Variants in PTPRG observed in about 807,000 individuals in gnomAD.
The protein encoded by PTPRG is protein tyrosine phosphatase receptor type G.
In PTPRG, 102 loss-of-function variants were observed where a neutral mutation model predicts 165.3. The observed-to-expected ratio is 0.62, with a 90% CI of 0.53 to 0.73. The LOEUF is 0.73. Among genes scored for constraint, PTPRG ranks in the 30% least tolerant of loss-of-function variants. The pLI is 0.00. For missense variants in PTPRG, 1,866 were observed against 1,861.4 expected, an observed-to-expected ratio of 1.00 and a Z score of -0.05; for synonymous variants, 675 against 669.5, an observed-to-expected ratio of 1.01 and a Z score of -0.13.
chr3:62,234,790 C>G (rs1310326897), intron 14 of PTPRG, among the ~76,000 whole-genome samples: 1 of 151,682 alleles, frequency 6.6e-6, no homozygotes, highest in African/African-American at 2.4e-5. Flanking sequence ...ATATTTTCTG[C>G]TTTGTTTTCT....
At chr3:61,773,149 T>C (rs572453375) in intron 2 of PTPRG, among the ~76,000 whole-genome samples, 7 of 152,110 alleles carry the variant, frequency 4.6e-5, no homozygotes, top group Middle Eastern at 3.4e-3. Context: ...TGGTGGTAGG[T>C]TTGCAGAGGG....
chr3:62,256,501 T>A (rs1212816552), intron 16 of PTPRG, among the ~76,000 whole-genome samples: 1 of 152,180 alleles, frequency 6.6e-6, no homozygotes, highest in African/African-American at 2.4e-5. Context: ...AAGTATTTAA[T>A]GCTATTAGAT....
At chr3:61,910,095 A>G (rs2038762080) in intron 2 of PTPRG, among the ~76,000 whole-genome samples, 1 of 151,992 alleles carries the variant, frequency 6.6e-6, no homozygotes, top group South Asian at 2.1e-4. Context: ...GATATATCTC[A>G]TTATGCTGTT....
intron 1 of PTPRG, among the ~76,000 whole-genome samples, chr3:61,692,296 A>G (rs1281729003): frequency 6.6e-6 from 1 of 152,228 alleles, no homozygotes; most frequent in African/African-American, 2.4e-5. Flanking sequence ...ACATCCTTGC[A>G]TTCAACTTTG....
rs148943245 is a variant in PTPRG, at chr3:61,890,464, T to G, written c.191-99161T>G. Reference sequence around the variant, plus strand: ...AGGGTCAGGTTTTTTCAATTTTCCTTTCAGGTCCTAACTCAGTAACTCCAT... The same window carrying G: ...AGGGTCAGGTTTTTTCAATTTTCCTGTCAGGTCCTAACTCAGTAACTCCAT... On this transcript the variant is annotated intron_variant, in intron 2 of 29. Coordinates refer to ENST00000474889, the MANE Select transcript of PTPRG (RefSeq NM_002841.4). 6.5e-3 allele frequency among the ~76,000 whole-genome samples: 990 copies of G among 151,168 alleles called. 10 individuals are homozygous for G. The highest frequency in any genetic ancestry group is 0.022 in the African/African-American group (903 of 40,914).
rs555485017 is a variant in PTPRG, at chr3:61,893,227, G to T, written c.191-96398G>T. ...TAGCATATTTTGGGAAAGTCAGTGTGTCTGCAAGCTGCTGAAAGATGTTCT... is the reference window on the plus strand; with the variant it reads ...TAGCATATTTTGGGAAAGTCAGTGTTTCTGCAAGCTGCTGAAAGATGTTCT... On this transcript the variant is annotated intron_variant, in intron 2 of 29. Coordinates refer to ENST00000474889, the MANE Select transcript of PTPRG (RefSeq NM_002841.4). Among the ~76,000 whole-genome samples, 26 of 152,306 alleles carry T rather than the reference G, an allele frequency of 1.7e-4. No homozygotes were observed. In the South Asian group the frequency reaches 5.2e-3, roughly 30 times the overall value.
intron 1 of PTPRG, among the ~76,000 whole-genome samples, chr3:61,653,673 A>G (rs933456944): frequency 1.3e-5 from 2 of 151,904 alleles, no homozygotes; most frequent in Non-Finnish European, 2.9e-5. Flanking sequence ...GTGCCCTGCC[A>G]TTTTCTCAGA....
At chr3:61,587,611 CT>C (rs2106813518) in intron 1 of PTPRG, among the ~76,000 whole-genome samples, 1 of 152,160 alleles carries the variant, frequency 6.6e-6, no homozygotes, top group Non-Finnish European at 1.5e-5. Flanking sequence ...CCACTAATGT[CT>C]TTTATTTAAT....
intron 1 of PTPRG, among the ~76,000 whole-genome samples, chr3:61,593,704 A>C (rs1700629094): frequency 1.6e-5 from 1 of 62,304 alleles, no homozygotes; most frequent in Non-Finnish European, 3.8e-5. Context: ...GGTCAGGAAA[A>C]CTGGAAAAAA....
chr3:62,259,026 C>T (rs557236835), intron 16 of PTPRG, among the ~76,000 whole-genome samples: 1 of 152,244 alleles, frequency 6.6e-6, no homozygotes, highest in South Asian at 2.1e-4. Context: ...CAGGATGAGG[C>T]CAGAAGTCCA....
intron 2 of PTPRG, among the ~76,000 whole-genome samples, chr3:61,823,884 T>G (rs1286999866): frequency 3.3e-5 from 5 of 152,092 alleles, no homozygotes; most frequent in African/African-American, 1.2e-4. Flanking sequence ...CCCAGGACTT[T>G]GGGAGGCCGA....
chr3:61,908,415 A>AT, intron 2 of PTPRG, among the ~76,000 whole-genome samples: 1 of 150,130 alleles, frequency 6.7e-6, no homozygotes, highest in Middle Eastern at 3.5e-3. Context: ...ACAGAGCAAA[A>AT]AAAAAAAAAA....
At chr3:61,797,252 A>G (rs1171729997) in intron 2 of PTPRG, among the ~76,000 whole-genome samples, 1 of 152,220 alleles carries the variant, frequency 6.6e-6, no homozygotes, top group Non-Finnish European at 1.5e-5. Context: ...TCTTCTTCAC[A>G]TTTTAATATC....
intron 5 of PTPRG, among the ~76,000 whole-genome samples, chr3:62,080,510 T>A (rs2106760787): frequency 6.6e-6 from 1 of 152,324 alleles, no homozygotes; most frequent in South Asian, 2.1e-4. Context: ...CTGCTTTTCA[T>A]GCAGCTGGAC....
At chr3:61,676,009 T>A (rs925224837) in intron 1 of PTPRG, among the ~76,000 whole-genome samples, 1 of 152,174 alleles carries the variant, frequency 6.6e-6, no homozygotes, top group Non-Finnish European at 1.5e-5. Context: ...AGAGGAAAAT[T>A]TGTCCAGTCA....
At chr3:61,781,391 G>A (rs2034540283) in intron 2 of PTPRG, among the ~76,000 whole-genome samples, 1 of 152,132 alleles carries the variant, frequency 6.6e-6, no homozygotes, top group African/African-American at 2.4e-5. Context: ...ATTTAAGTTT[G>A]ACAACTGTCC....
chr3:61,713,583 C>T (rs1371906238), intron 1 of PTPRG, among the ~76,000 whole-genome samples: 1 of 152,078 alleles, frequency 6.6e-6, no homozygotes, highest in Non-Finnish European at 1.5e-5. Flanking sequence ...CCCCATGGAC[C>T]TTAAATTCAG....
At position 62,198,687 on chromosome 3, in the gene PTPRG, G is replaced by A. The variant is rs1027281809; in HGVS notation, c.1328-2818G>A. On this transcript the variant is annotated intron_variant, in intron 10 of 29. Coordinates refer to ENST00000474889, the MANE Select transcript of PTPRG (RefSeq NM_002841.4). Reference sequence around the variant, plus strand: ...AATATATGTGCTTTTTAAAATTAAGGTATTAAATGACAAGTGGTTGGTCTG... The same window carrying A: ...AATATATGTGCTTTTTAAAATTAAGATATTAAATGACAAGTGGTTGGTCTG... 3.3e-5 allele frequency among the ~76,000 whole-genome samples: 5 copies of A among 152,270 alleles called. No individual in the cohort carries two copies. The East Asian group carries it at 9.6e-4, about 29-fold the overall frequency.
At chr3:62,050,306 A>G (rs1254087321) in intron 4 of PTPRG, among the ~76,000 whole-genome samples, 1 of 152,200 alleles carries the variant, frequency 6.6e-6, no homozygotes, top group Non-Finnish European at 1.5e-5. Context: ...ATACCGAAAT[A>G]CTTACCATCA....
Sources: gnomAD v4.1 joint callset for allele counts (sites outside exome capture counted in the v4.1 genomes callset) on GRCh38, gnomAD v4.1.1 for gene constraint, MANE v1.5 for transcripts, NCBI Gene and HGNC (gene_info 2026-07-23, HGNC 2026-07-21) for gene names.